RBM18: variants seen among roughly 807,000 people sequenced by gnomAD.
The protein encoded by RBM18 is RNA binding motif protein 18.
Under a neutral mutation model 26.4 loss-of-function variants are expected in RBM18, and 18 were observed. That is an observed-to-expected ratio of 0.68 (90% CI 0.47 to 1.01). The LOEUF is 1.01. Among genes scored for constraint, RBM18 ranks in the 50% least tolerant of loss-of-function variants. The pLI, the probability that RBM18 is intolerant of heterozygous loss-of-function variation, is 0.00. For synonymous variants in RBM18, 74 were observed against 81.1 expected, an observed-to-expected ratio of 0.91 and a Z score of 0.47; for missense variants, 180 against 219.2, an observed-to-expected ratio of 0.82 and a Z score of 1.13.
At chr9:122,259,060 G>A (rs1831745200) in intron 2 of RBM18, among the ~76,000 whole-genome samples, 1 of 152,142 alleles carries the variant, frequency 6.6e-6, no homozygotes, top group Non-Finnish European at 1.5e-5. Flanking sequence ...ATTACTTGAT[G>A]TCTACCTCTG....
At chr9:122,261,550 T>C in intron 1 of RBM18, 42 bp from the exon 2 acceptor site, 2 of 1,228,140 alleles carry the variant, frequency 1.6e-6, no homozygotes, top group African/African-American at 1.5e-5. Flanking sequence ...GGAGTAACAA[T>C]GTGTGAACAC....
At position 122,240,112 on chromosome 9, in the gene RBM18, C is replaced by T. The variant is rs889839721; in HGVS notation, c.*1772G>A. ...GCTCTGGTTTCTAAAGGAAACAACT[C>T]TATATATAATTCTAAGTTTTTTCTA... On this transcript the variant is annotated 3_prime_UTR_variant, in exon 6 of 6. Coordinates refer to ENST00000417201, the MANE Select transcript of RBM18 (RefSeq NM_033117.4). 1 of 152,156 alleles carries T rather than the reference C, an allele frequency of 6.6e-6. No individual in the cohort carries two copies. The highest frequency in any genetic ancestry group is 2.4e-5 in the African/African-American group (1 of 41,422). 9.4% of individuals were successfully genotyped at this position (152,156 alleles called of 1,614,324 possible). A position where few individuals can be genotyped will look rare whatever the true frequency, so the allele number is the denominator to read the frequency against.
At chr9:122,246,863 AAC>A (rs1297923880) in intron 4 of RBM18, among the ~76,000 whole-genome samples, 2 of 152,166 alleles carry the variant, frequency 1.3e-5, no homozygotes, top group Admixed American at 1.3e-4. Context: ...CGCTCCAGTC[AAC>A]ACACTTTACC....
At position 122,237,842 on chromosome 9, in the gene RBM18, T is replaced by C. The variant is rs1301971400; in HGVS notation, c.*4042A>G. ...TATGGGGAAAACAGCCACATGTAAATGCCTGGGCATGGTTGTGTTCTAATA... is the reference window on the plus strand; with the variant it reads ...TATGGGGAAAACAGCCACATGTAAACGCCTGGGCATGGTTGTGTTCTAATA... On this transcript the variant is annotated 3_prime_UTR_variant, in exon 6 of 6. Transcript: ENST00000417201. The C allele has an allele frequency of 6.6e-6, 1 of 152,246 alleles. No individual in the cohort carries two copies. The highest frequency in any genetic ancestry group is 1.5e-5 in the Non-Finnish European group (1 of 68,046). The allele number at this position is 152,246 out of a possible 1,614,324, so 9.4% of individuals were successfully genotyped here. A position where few individuals can be genotyped will look rare whatever the true frequency, so the allele number is the denominator to read the frequency against.
chr9:122,242,142 C>A, intron 5 of RBM18, 99 bp from the exon 6 acceptor site: 1 of 1,088,516 alleles, frequency 9.2e-7, no homozygotes, highest in East Asian at 2.5e-5. Flanking sequence ...ATTAGAGACG[C>A]AACAAGATAC....
chr9:122,252,009 G>T, intron 2 of RBM18, 36 bp from the exon 3 acceptor site: 2 of 1,608,626 alleles, frequency 1.2e-6, no homozygotes, highest in South Asian at 1.1e-5. Flanking sequence ...TATGCTCTGG[G>T]AATTCTGTTG....
rs1327213035 is a variant in RBM18 at position 122,238,956 on chromosome 9, A to G, written c.*2928T>C. ...TTGACAGGATTTGTTGAAGAACTAG[A>G]TAGGAGCTGGAGAGAAAAAGAGAAA... On this transcript the variant is annotated 3_prime_UTR_variant, in exon 6 of 6. Coordinates refer to ENST00000417201, the MANE Select transcript of RBM18 (RefSeq NM_033117.4). The G allele has an allele frequency of 6.6e-6, 1 of 152,202 alleles. No homozygotes were observed. Among genetic ancestry groups the G allele is most frequent in the East Asian group, 1.9e-4 (1 of 5,202 alleles). 9.4% of individuals were successfully genotyped at this position (152,202 alleles called of 1,614,324 possible).
At chr9:122,242,542 T>C (rs1831437547) in intron 5 of RBM18, among the ~76,000 whole-genome samples, 2 of 151,948 alleles carry the variant, frequency 1.3e-5, no homozygotes, top group South Asian at 4.1e-4. Flanking sequence ...TGAATAAAAA[T>C]GGAAAAAAAA....
chr9:122,238,948 A>G lies in RBM18; in HGVS notation c.*2936T>C, dbSNP rs1831370271. ...AGGTAGAGTTGACAGGATTTGTTGAAGAACTAGATAGGAGCTGGAGAGAAA... is the reference window on the plus strand; with the variant it reads ...AGGTAGAGTTGACAGGATTTGTTGAGGAACTAGATAGGAGCTGGAGAGAAA... On this transcript the variant is annotated 3_prime_UTR_variant, in exon 6 of 6. Transcript: ENST00000417201. 1 of 152,218 alleles carries G rather than the reference A, an allele frequency of 6.6e-6. No homozygotes were observed. Among genetic ancestry groups the G allele is most frequent in the Non-Finnish European group, 1.5e-5 (1 of 68,032 alleles). The allele number at this position is 152,218 out of a possible 1,614,324, so 9.4% of individuals were successfully genotyped here. A position where few individuals can be genotyped will look rare whatever the true frequency, so the allele number is the denominator to read the frequency against.
chr9:122,256,306 T>C (rs970227427), intron 2 of RBM18, among the ~76,000 whole-genome samples: 1 of 152,230 alleles, frequency 6.6e-6, no homozygotes, highest in Admixed American at 6.5e-5. Flanking sequence ...TTAGTACTTA[T>C]AGGCCTTTAT....
chr9:122,247,711 G>T, intron 3 of RBM18, 107 bp from the exon 4 acceptor site: 98 of 737,008 alleles, frequency 1.3e-4, no homozygotes, highest in South Asian at 2.2e-4. Context: ...CTAACAAATT[G>T]TTTTTGGTAA....
chr9:122,241,245 A>G lies in RBM18; in HGVS notation c.*639T>C, dbSNP rs1165659830. 1 of 152,248 alleles carries G rather than the reference A, an allele frequency of 6.6e-6. No individual in the cohort carries two copies. The highest frequency in any genetic ancestry group is 1.5e-5 in the Non-Finnish European group (1 of 68,046). 9.4% of individuals were successfully genotyped at this position (152,248 alleles called of 1,614,324 possible). On this transcript the variant is annotated 3_prime_UTR_variant, in exon 6 of 6. Coordinates refer to ENST00000417201, the MANE Select transcript of RBM18 (RefSeq NM_033117.4). ...GTTAAATTTGATTCTAGTTTTGTCA[A>G]CACAAACAATTTTAAGATATACACC...
Position 122,241,775 on chromosome 9 carries a change from T to C in RBM18, c.*109A>G, listed in dbSNP as rs1367048409. Reference sequence around the variant, plus strand: ...AACATTATGTTACCAAATGCTAACATGTGATTGTGCTCCGTTGAATAGTAC... The same window carrying C: ...AACATTATGTTACCAAATGCTAACACGTGATTGTGCTCCGTTGAATAGTAC... On this transcript the variant is annotated 3_prime_UTR_variant, in exon 6 of 6. Transcript: ENST00000417201. 1.1e-6 allele frequency: 1 copy of C among 884,902 alleles called. No homozygotes were observed. The highest frequency in any genetic ancestry group is 1.8e-6 in the Non-Finnish European group (1 of 571,070). The allele number at this position is 884,902 out of a possible 1,614,324, so 54.8% of individuals were successfully genotyped here. A position where few individuals can be genotyped will look rare whatever the true frequency, so the allele number is the denominator to read the frequency against.
intron 1 of RBM18, 33 bp from the exon 2 acceptor site, chr9:122,261,541 G>A (rs182064803): frequency 4.3e-5 from 57 of 1,310,470 alleles, no homozygotes; most frequent in African/African-American, 3.9e-4. Flanking sequence ...GGCAGGAGGG[G>A]AGTAACAATG....
At chr9:122,258,766 CCT>C (rs1031450906) in intron 2 of RBM18, among the ~76,000 whole-genome samples, 18 of 151,838 alleles carry the variant, frequency 1.2e-4, no homozygotes, top group African/African-American at 4.3e-4. Context: ...TACTGAGACC[CCT>C]GTCTCTACAA....
chr9:122,248,922 G>A (rs1380475438), intron 3 of RBM18, among the ~76,000 whole-genome samples: 3 of 152,160 alleles, frequency 2.0e-5, no homozygotes, highest in Non-Finnish European at 2.9e-5. Context: ...TATTTACTGA[G>A]TTCTCACTGT....
Position 122,241,690 on chromosome 9 carries a change from C to A in RBM18, c.*194G>T. 2.0e-6 allele frequency: 1 copy of A among 499,420 alleles called. No individual in the cohort carries two copies. The allele number at this position is 499,420 out of a possible 1,614,324, so 30.9% of individuals were successfully genotyped here. On this transcript the variant is annotated 3_prime_UTR_variant, in exon 6 of 6. Coordinates refer to ENST00000417201, the MANE Select transcript of RBM18 (RefSeq NM_033117.4). ...AATTTGGGATACAACGCTATTTATTCTGGATGATGCTCAATTCCATACATA... is the reference window on the plus strand; with the variant it reads ...AATTTGGGATACAACGCTATTTATTATGGATGATGCTCAATTCCATACATA...
At chr9:122,263,675 A>G (rs1240365865) in intron 1 of RBM18, among the ~76,000 whole-genome samples, 1 of 152,250 alleles carries the variant, frequency 6.6e-6, no homozygotes, top group African/African-American at 2.4e-5. Context: ...CTCGACGACT[A>G]TAGATTGAGT....
intron 2 of RBM18, among the ~76,000 whole-genome samples, chr9:122,260,030 T>C (rs746507431): frequency 2.6e-5 from 4 of 152,166 alleles, no homozygotes; most frequent in African/African-American, 4.8e-5. Context: ...AGGGAGTAAC[T>C]TCTAGGACTG....
Sources: gnomAD v4.1 joint callset for allele counts (sites outside exome capture counted in the v4.1 genomes callset) on GRCh38, gnomAD v4.1.1 for gene constraint, MANE v1.5 for transcripts, NCBI Gene and HGNC (gene_info 2026-07-23, HGNC 2026-07-21) for gene names.